Variants in PPM1G observed in about 807,000 individuals in gnomAD.
PPM1G encodes protein phosphatase 1G.
PPM1G carries 12 observed loss-of-function variants against 59.4 expected under a neutral mutation model. The observed-to-expected ratio is 0.20, with a 90% CI of 0.13 to 0.33. PPM1G has a LOEUF of 0.33. PPM1G is among the 10% of genes least tolerant of loss of function. PPM1G has a pLI of 1.00. For synonymous variants in PPM1G, 245 were observed against 251.9 expected (o/e 0.97, Z 0.26); for missense variants, 392 against 681.3 (o/e 0.58, Z 4.73).
chr2:27,383,906 C>G lies in PPM1G; in HGVS notation c.966+46G>C. 1 of 1,550,340 alleles carries G rather than the reference C, an allele frequency of 6.5e-7. No homozygotes were observed. The highest frequency in any genetic ancestry group is 8.7e-7 in the Non-Finnish European group (1 of 1,146,114). ...AAAATCAAAATTAGGGGATTCACAC[C>G]TGCCTTGTGGCTTTTCAAGACTCAT... On this transcript the variant is annotated intron_variant, in intron 6 of 9. Coordinates refer to ENST00000344034, the MANE Select transcript of PPM1G (RefSeq NM_177983.3). This position sits in a 1 kb window ranked among gnomAD's most constrained non-coding sequence, Gnocchi z 5.0.
chr2:27,387,041 C>G, intron 2 of PPM1G, 48 bp downstream of exon 2: 1 of 1,463,280 alleles, frequency 6.8e-7, no homozygotes, highest in Non-Finnish European at 9.6e-7. Context: ...CCTGGAACGT[C>G]TGGAATTGGG....
At chr2:27,398,003 C>T (rs1219960606) in intron 1 of PPM1G, among the ~76,000 whole-genome samples, 1 of 152,202 alleles carries the variant, frequency 6.6e-6, no homozygotes. Flanking sequence ...AGTTGATCTA[C>T]AGATTCTGCA....
At chr2:27,393,359 G>C (rs199751031) in intron 1 of PPM1G, 7 of 1,588,026 alleles carry the variant, frequency 4.4e-6, no homozygotes, top group African/African-American at 1.3e-5. Flanking sequence ...AGGTAGACGC[G>C]GTCGTCATGC....
chr2:27,393,158 C>A, intron 1 of PPM1G: 1 of 1,443,636 alleles, frequency 6.9e-7, no homozygotes, highest in Non-Finnish European at 9.6e-7. Flanking sequence ...ACAGCTTCAT[C>A]AATTTCTCAG....
chr2:27,382,668 G>A lies in PPM1G; in HGVS notation c.1202-63C>T, dbSNP rs1399964716. 1.9e-6 allele frequency: 3 copies of A among 1,583,510 alleles called. No individual in the cohort carries two copies. The highest frequency in any genetic ancestry group is 2.6e-6 in the Non-Finnish European group (3 of 1,156,544). On this transcript the variant is annotated intron_variant, in intron 7 of 9. Transcript: ENST00000344034. This position sits in a 1 kb window ranked among gnomAD's most constrained non-coding sequence, Gnocchi z 4.2. ...TTCCCACAGACTTGTGTTTGTGGCAGGTCAAACCTTGCCATTCATTTCCCT... is the reference window on the plus strand; with the variant it reads ...TTCCCACAGACTTGTGTTTGTGGCAAGTCAAACCTTGCCATTCATTTCCCT...
intron 1 of PPM1G, among the ~76,000 whole-genome samples, chr2:27,391,386 G>T (rs1301257573): frequency 6.6e-6 from 1 of 152,198 alleles, no homozygotes; most frequent in Admixed American, 6.5e-5. Flanking sequence ...TCTGACTGGT[G>T]TGAGATGGTA....
In PPM1G at chr2:27,382,077, C is replaced by A. The variant is rs757554091; in HGVS notation, c.1434+49G>T. ...ACTTAGCTCAGATTAAAAGAGTGAACCCTGGCTGTGCAGACCAGACACCCT... is the reference window on the plus strand; with the variant it reads ...ACTTAGCTCAGATTAAAAGAGTGAAACCTGGCTGTGCAGACCAGACACCCT... On this transcript the variant is annotated intron_variant, in intron 9 of 9. Transcript: ENST00000344034. This position sits in a 1 kb window ranked among gnomAD's most constrained non-coding sequence, Gnocchi z 4.2. 3 of 1,551,716 alleles carry A rather than the reference C, an allele frequency of 1.9e-6. No homozygotes were observed. The South Asian group carries it at 3.3e-5, about 17-fold the overall frequency.
rs1376374180 is a variant in PPM1G at position 27,409,283 on chromosome 2, A to G, written c.120+20T>C. ...ATTCCCGCCCCGCAGCGGCCAGCCTATGGGCCCCTGCCTCCTCACCTCCAT... is the reference window on the plus strand; with the variant it reads ...ATTCCCGCCCCGCAGCGGCCAGCCTGTGGGCCCCTGCCTCCTCACCTCCAT... On this transcript the variant is annotated intron_variant, in intron 1 of 9. Transcript: ENST00000344034. The G allele has an allele frequency of 5.8e-6, 9 of 1,551,620 alleles. No homozygotes were observed. Among genetic ancestry groups the G allele is most frequent in the Admixed American group, 1.9e-5 (1 of 53,102 alleles).
rs543592351 is a variant in PPM1G, at chr2:27,409,492, G to C, written c.-70C>G. 1 of 1,381,464 alleles carries C rather than the reference G, an allele frequency of 7.2e-7. No individual in the cohort carries two copies. Among genetic ancestry groups the C allele is most frequent in the African/African-American group, 1.5e-5 (1 of 65,268 alleles). The allele number at this position is 1,381,464 out of a possible 1,614,324, so 85.6% of individuals were successfully genotyped here. On this transcript the variant is annotated 5_prime_UTR_variant, in exon 1 of 10. Transcript: ENST00000344034. ...GACCCGTGCCGGAGCCGAAGCCCCGGGGGTGCGCGCGGCAGGAGCAGGCCC... is the reference window on the plus strand; with the variant it reads ...GACCCGTGCCGGAGCCGAAGCCCCGCGGGTGCGCGCGGCAGGAGCAGGCCC...
chr2:27,387,593 T>G (rs1683800203), intron 1 of PPM1G, among the ~76,000 whole-genome samples: 1 of 151,532 alleles, frequency 6.6e-6, no homozygotes, highest in South Asian at 2.1e-4. Flanking sequence ...CTCCGCCTCG[T>G]GGGTTCAAGC....
rs187687751 is a variant in PPM1G at position 27,401,650 on chromosome 2, A to G, written c.120+7653T>C. Among the ~76,000 whole-genome samples, 26 of 152,206 alleles carry G rather than the reference A, an allele frequency of 1.7e-4. No homozygotes were observed. In the East Asian group the frequency reaches 3.1e-3, roughly 18 times the overall value. On this transcript the variant is annotated intron_variant, in intron 1 of 9. Transcript: ENST00000344034. ...AGACCAGCCTGGGCAACATGGTGAA[A>G]CCCTGTTTCTACTGAAAATATAAAA...
chr2:27,382,710 T>C lies in PPM1G; in HGVS notation c.1202-105A>G. 1 of 1,430,792 alleles carries C rather than the reference T, an allele frequency of 7.0e-7. No individual in the cohort carries two copies. Among genetic ancestry groups the C allele is most frequent in the Non-Finnish European group, 9.6e-7 (1 of 1,037,796 alleles). 88.6% of individuals were successfully genotyped at this position (1,430,792 alleles called of 1,614,324 possible). ...CATTTCCCTTCTTTACAAAGTTCCA[T>C]AATCTAGTGGAATGGGGAACTGAGT... is the stretch of plus-strand genomic sequence containing the variant. On this transcript the variant is annotated intron_variant, in intron 7 of 9. Coordinates refer to ENST00000344034, the MANE Select transcript of PPM1G (RefSeq NM_177983.3). The surrounding 1 kb of genome is among the most constrained non-coding windows in gnomAD (Gnocchi z 4.2).
At chr2:27,408,501 A>C (rs1013503468) in intron 1 of PPM1G, among the ~76,000 whole-genome samples, 1 of 152,142 alleles carries the variant, frequency 6.6e-6, no homozygotes, top group East Asian at 1.9e-4. Flanking sequence ...TCCAGAGTAA[A>C]ATTTTCTAGA....
At position 27,381,696 on chromosome 2, in the gene PPM1G, G is replaced by A; in HGVS notation, c.1544C>T (p.Pro515Leu). ...FKPRNTAELQ[P>L]ESGKRKLEEV... ...CTCTAGTTTTCGCTTGCCACTCTCT[G>A]GCTGGAGCTCTGCTGTGTTTCGGGG... is the stretch of plus-strand genomic sequence containing the variant. Residue 515 changes from proline (P) to leucine (L), a missense_variant, in exon 10 of 10, where the codon CCA becomes CTA. Physicochemically the swap from Pro to Leu is moderately conservative, Grantham distance 98. Around this residue, in one of 6 missense-constraint regions of PPM1G, gnomAD observed 49 missense variants for 43.4 expected, o/e 1.13. Coordinates refer to ENST00000344034, the MANE Select transcript of PPM1G (RefSeq NM_177983.3). 2 of 1,614,004 alleles carry A rather than the reference G, an allele frequency of 1.2e-6. No homozygotes were observed. The highest frequency in any genetic ancestry group is 2.7e-5 in the African/African-American group (2 of 74,966).
Position 27,385,732 on chromosome 2 carries a change from G to A in PPM1G, c.409+15C>T. ...AAATGCTGATTTCCCCTCAAACAAG[G>A]GATGCCACACTCACCATCATCTTCA... On this transcript the variant is annotated intron_variant, in intron 4 of 9. Coordinates refer to ENST00000344034, the MANE Select transcript of PPM1G (RefSeq NM_177983.3). This position sits in a 1 kb window ranked among gnomAD's most constrained non-coding sequence, Gnocchi z 4.1. 1 of 1,596,244 alleles carries A rather than the reference G, an allele frequency of 6.3e-7. No homozygotes were observed. Among genetic ancestry groups the A allele is most frequent in the Non-Finnish European group, 8.5e-7 (1 of 1,174,822 alleles).
At position 27,409,570 on chromosome 2, in the gene PPM1G, G is replaced by A. The variant is rs1242726860; in HGVS notation, c.-148C>T. The A allele has an allele frequency of 1.9e-6, 2 of 1,046,910 alleles. No homozygotes were observed. Among genetic ancestry groups the A allele is most frequent in the African/African-American group, 1.7e-5 (1 of 59,106 alleles). The allele number at this position is 1,046,910 out of a possible 1,614,324, so 64.9% of individuals were successfully genotyped here. On this transcript the variant is annotated 5_prime_UTR_variant, in exon 1 of 10. Coordinates refer to ENST00000344034, the MANE Select transcript of PPM1G (RefSeq NM_177983.3). ...TGAAAGGCGCGAGGCCGGCCAGGAG[G>A]CGGTAACGGGACGGGAGCTGTGAGG... is the stretch of plus-strand genomic sequence containing the variant.
intron 1 of PPM1G, among the ~76,000 whole-genome samples, chr2:27,407,834 A>G (rs1186402027): frequency 6.6e-6 from 1 of 152,072 alleles, no homozygotes; most frequent in Non-Finnish European, 1.5e-5. Context: ...AGATCACCTA[A>G]GTCAGGAGTT....
At chr2:27,393,411 C>T (rs1683967444) in intron 1 of PPM1G, 2 of 1,273,426 alleles carry the variant, frequency 1.6e-6, no homozygotes, top group Non-Finnish European at 2.2e-6. Context: ...GTGGTGGCTA[C>T]GCGGCGCTGG....
chr2:27,393,288 A>C (rs928371134), intron 1 of PPM1G: 58 of 1,597,586 alleles, frequency 3.6e-5, no homozygotes, highest in Non-Finnish European at 4.9e-5. Context: ...GTAGAGCTCC[A>C]GGTTGATCTG....
Sources: gnomAD v4.1 joint callset for allele counts (sites outside exome capture counted in the v4.1 genomes callset) on GRCh38, gnomAD v4.1.1 for gene constraint, gnomAD v4.1.1 regional missense constraint, Gnocchi (gnomAD v3.1) non-coding constraint, MANE v1.5 for transcripts, NCBI Gene and HGNC (gene_info 2026-07-23, HGNC 2026-07-21) for gene names.